GNAI1: variants seen among roughly 807,000 people sequenced by gnomAD.
The protein encoded by GNAI1 is guanine nucleotide-binding protein G(i) subunit alpha-1.
GNAI1 carries 11 observed loss-of-function variants against 38.9 expected under a neutral mutation model. The observed-to-expected ratio is 0.28, with a 90% confidence interval of 0.18 to 0.47. The LOEUF (loss-of-function observed/expected upper bound fraction) is 0.47, where lower values mean the gene tolerates loss of function less well. GNAI1 is among the 20% of genes least tolerant of loss of function. GNAI1 has a pLI of 0.99. For missense variants in GNAI1, 317 were observed against 436.9 expected (o/e 0.73, Z 2.45); for synonymous variants, 166 against 145.1 (o/e 1.14, Z -1.04).
At chr7:80,160,981 T>A (rs1787915113) in intron 1 of GNAI1, among the ~76,000 whole-genome samples, 1 of 152,234 alleles carries the variant, frequency 6.6e-6, no homozygotes, top group South Asian at 2.1e-4. Flanking sequence ...GTTAATCACA[T>A]CTAAGAAGTG....
intron 5 of GNAI1, among the ~76,000 whole-genome samples, chr7:80,207,710 C>T (rs1051954373): frequency 9.9e-5 from 15 of 151,450 alleles, no homozygotes; most frequent in East Asian, 1.9e-4. Flanking sequence ...TGGTTTTTTT[C>T]GTGCTCTTCA....
chr7:80,164,167 C>T (rs1235502308), intron 1 of GNAI1, among the ~76,000 whole-genome samples: 3 of 150,102 alleles, frequency 2.0e-5, no homozygotes, highest in African/African-American at 7.4e-5. Context: ...GCCTCAGCCT[C>T]CCAAGTAGCT....
intron 7 of GNAI1, among the ~76,000 whole-genome samples, chr7:80,215,671 C>T (rs147966090): frequency 5.9e-4 from 90 of 152,150 alleles, no homozygotes; most frequent in African/African-American, 2.0e-3. Context: ...AGTTCACATT[C>T]TAGTTTAGGA....
chr7:80,179,899 A>G (rs1234781129), intron 1 of GNAI1, among the ~76,000 whole-genome samples: 4 of 152,164 alleles, frequency 2.6e-5, no homozygotes, highest in Non-Finnish European at 5.9e-5. Context: ...TCTGTCCCAG[A>G]GGATATATTA....
In GNAI1 at chr7:80,180,322, AGTGTGTGTGT is replaced by A. The variant is rs59104301; in HGVS notation, c.119-8610_119-8601del. Among the ~76,000 whole-genome samples the A allele has an allele frequency of 3.3e-3, 498 of 150,196 alleles. 5 individuals carry two copies. Among genetic ancestry groups the A allele is most frequent in the African/African-American group, 0.011 (457 of 41,078 alleles). ...ACTATAAAACAGAACATTCTTATAA[AGTGTGTGTGT>A]GTGTGTGTGTGTGTGTGTATATAAA... On this transcript the variant is annotated intron_variant, in intron 1 of 7. Transcript: ENST00000649796.
chr7:80,148,288 A>G (rs115563686), intron 1 of GNAI1, among the ~76,000 whole-genome samples: 2,938 of 152,272 alleles, frequency 0.019, 89 homozygotes, highest in African/African-American at 0.066. Flanking sequence ...AAGGTTGTCA[A>G]CTGACAAATG....
intron 1 of GNAI1, among the ~76,000 whole-genome samples, chr7:80,169,890 TGACATTTCTG>T (rs1788072700): frequency 6.6e-6 from 1 of 152,188 alleles, no homozygotes; most frequent in Non-Finnish European, 1.5e-5. Context: ...TCTATAGATT[TGACATTTCTG>T]GACATTTCGT....
At chr7:80,205,273 AG>A (rs1239803396) in intron 5 of GNAI1, among the ~76,000 whole-genome samples, 10 of 152,148 alleles carry the variant, frequency 6.6e-5, no homozygotes, top group Admixed American at 2.0e-4. Flanking sequence ...GTAGACTTAC[AG>A]GGATTTTGTT....
In GNAI1 at chr7:80,223,529, T is replaced by G. The variant is rs962778139; in HGVS notation, c.*6036T>G. Among the ~76,000 whole-genome samples, 1 of 152,166 alleles carries G rather than the reference T, an allele frequency of 6.6e-6. No individual in the cohort carries two copies. Among genetic ancestry groups the G allele is most frequent in the Non-Finnish European group, 1.5e-5 (1 of 68,036 alleles). On this transcript the variant is annotated 3_prime_UTR_variant, in exon 8 of 8. Coordinates refer to ENST00000649796, the MANE Select transcript of GNAI1 (RefSeq NM_002069.6). The stretch of plus-strand genomic sequence containing the variant: ...TTCCTTCACTTTTGAAAATCAAGAG[T>G]AAAGTTAAGTCAAAGCTACTTCTAA...
chr7:80,211,183 A>G, intron 6 of GNAI1, 85 bp downstream of exon 6: 2 of 1,175,262 alleles, frequency 1.7e-6, no homozygotes, highest in Non-Finnish European at 2.4e-6. Context: ...GTCTATAACA[A>G]TTTGAAAGTA....
chr7:80,171,113 C>G (rs971615655), intron 1 of GNAI1, among the ~76,000 whole-genome samples: 3 of 152,154 alleles, frequency 2.0e-5, no homozygotes, highest in Admixed American at 6.6e-5. Context: ...CCAAATAGTT[C>G]CTTCTCTTAC....
intron 1 of GNAI1, among the ~76,000 whole-genome samples, chr7:80,145,395 C>T (rs1461204827): frequency 6.6e-6 from 1 of 152,100 alleles, no homozygotes; most frequent in Non-Finnish European, 1.5e-5. Context: ...GTACTCTTCT[C>T]CTTCTGGAGT....
chr7:80,210,180 CT>C (rs1274904329), intron 5 of GNAI1, among the ~76,000 whole-genome samples: 7 of 152,238 alleles, frequency 4.6e-5, no homozygotes, highest in Non-Finnish European at 8.8e-5. Context: ...CAAATTTTAA[CT>C]TTTGCTTAAC....
chr7:80,223,328 A>T lies in GNAI1; in HGVS notation c.*5835A>T, dbSNP rs1789110710. 6.6e-6 allele frequency among the ~76,000 whole-genome samples: 1 copy of T among 152,236 alleles called. No individual in the cohort carries two copies. Reference sequence around the variant, plus strand: ...ATTTTTTGTTTTTGCTAAATTAGACATACAATTTTGCAGTTATTTTTTACT... The same window carrying T: ...ATTTTTTGTTTTTGCTAAATTAGACTTACAATTTTGCAGTTATTTTTTACT... On this transcript the variant is annotated 3_prime_UTR_variant, in exon 8 of 8. Coordinates refer to ENST00000649796, the MANE Select transcript of GNAI1 (RefSeq NM_002069.6).
chr7:80,174,455 GTT>G lies in GNAI1; in HGVS notation c.119-14484_119-14483del, dbSNP rs546784682. ...ATGAATAGTTTTTGTATCTTCTGCT[GTT>G]TTTTTTTTTTTAGAATATTGGTATT... On this transcript the variant is annotated intron_variant, in intron 1 of 7. Coordinates refer to ENST00000649796, the MANE Select transcript of GNAI1 (RefSeq NM_002069.6). 9.4e-5 allele frequency among the ~76,000 whole-genome samples: 12 copies of G among 127,826 alleles called. No homozygotes were observed. In the East Asian group the frequency reaches 2.6e-3, roughly 27 times the overall value. The allele number at this position is 127,826 out of a possible 152,430, so 83.9% of individuals were successfully genotyped here.
chr7:80,208,736 T>G (rs1788822237), intron 5 of GNAI1, among the ~76,000 whole-genome samples: 1 of 152,214 alleles, frequency 6.6e-6, no homozygotes, highest in Admixed American at 6.5e-5. Flanking sequence ...CACTCTCATT[T>G]TACTATAAGC....
chr7:80,189,000 A>G lies in GNAI1; in HGVS notation c.161+7A>G, dbSNP rs1788434619. On this transcript the variant is annotated splice_region_variant and intron_variant, in intron 2 of 7. Coordinates refer to ENST00000649796, the MANE Select transcript of GNAI1 (RefSeq NM_002069.6). ...CAATTGTGAAGCAGATGAAGTAAGTAGATTTAAACACCAAATTTGCTGTTT... is the reference window on the plus strand; with the variant it reads ...CAATTGTGAAGCAGATGAAGTAAGTGGATTTAAACACCAAATTTGCTGTTT... 1 of 1,605,538 alleles carries G rather than the reference A, an allele frequency of 6.2e-7. No homozygotes were observed. Among genetic ancestry groups the G allele is most frequent in the Non-Finnish European group, 8.5e-7 (1 of 1,172,878 alleles).
chr7:80,173,661 A>G (rs980954660), intron 1 of GNAI1, among the ~76,000 whole-genome samples: 2 of 152,182 alleles, frequency 1.3e-5, no homozygotes, highest in African/African-American at 2.4e-5. Context: ...GTCTGATCGC[A>G]TAGATGTGAT....
intron 3 of GNAI1, among the ~76,000 whole-genome samples, chr7:80,191,359 A>G (rs978979686): frequency 1.3e-5 from 2 of 152,170 alleles, no homozygotes; most frequent in African/African-American, 4.8e-5. Context: ...AAAGCGTTGT[A>G]TGAATAAGAA....
Sources: gnomAD v4.1 joint callset for allele counts (sites outside exome capture counted in the v4.1 genomes callset) on GRCh38, gnomAD v4.1.1 for gene constraint, MANE v1.5 for transcripts, NCBI Gene and HGNC (gene_info 2026-07-23, HGNC 2026-07-21) for gene names.